Variants in FOXP1 observed in about 807,000 individuals in gnomAD.
The protein encoded by FOXP1 is forkhead box P1.
A neutral mutation model predicts 98.2 loss-of-function variants in FOXP1; 15 were observed. That is an observed-to-expected ratio of 0.15 (90% CI 0.10 to 0.24). The LOEUF is 0.24. FOXP1 is among the 10% of genes least tolerant of loss of function. The probability of loss-of-function intolerance (pLI) is 1.00; values close to 1 mark genes in which losing one functional copy is unlikely to be tolerated. For missense variants in FOXP1, 633 were observed against 848.5 expected (o/e 0.75, Z 3.15); for synonymous variants, 371 against 314.5 (o/e 1.18, Z -1.90).
intron 4 of FOXP1, among the ~76,000 whole-genome samples, chr3:71,320,268 G>A (rs975250926): frequency 4.6e-5 from 7 of 151,968 alleles, no homozygotes; most frequent in Non-Finnish European, 8.8e-5. Flanking sequence ...TCTAAGGCCC[G>A]GAAGGCCAAG....
At chr3:71,076,002 G>A (rs1007990374) in intron 7 of FOXP1, among the ~76,000 whole-genome samples, 1 of 152,204 alleles carries the variant, frequency 6.6e-6, no homozygotes, top group South Asian at 2.1e-4. Context: ...TTACAGGAGT[G>A]AGCCATTGTG....
chr3:71,164,033 G>A (rs1317197542), intron 6 of FOXP1, among the ~76,000 whole-genome samples: 1 of 152,072 alleles, frequency 6.6e-6, no homozygotes, highest in African/African-American at 2.4e-5. Flanking sequence ...CTGCACAGAC[G>A]AAAGCTCAAT....
intron 2 of FOXP1, among the ~76,000 whole-genome samples, chr3:71,535,429 GCA>G (rs1290553462): frequency 3.9e-5 from 6 of 152,022 alleles, no homozygotes; most frequent in Non-Finnish European, 7.4e-5. Flanking sequence ...ATGAGGCCAG[GCA>G]CAGTGGCTCA....
intron 3 of FOXP1, among the ~76,000 whole-genome samples, chr3:71,479,100 T>C (rs1179916242): frequency 6.6e-6 from 1 of 152,162 alleles, no homozygotes; most frequent in African/African-American, 2.4e-5. Flanking sequence ...GGGGTAACTT[T>C]TACGTCACTT....
intron 7 of FOXP1, among the ~76,000 whole-genome samples, chr3:71,060,451 G>T (rs971706638): frequency 1.3e-5 from 2 of 152,012 alleles, no homozygotes; most frequent in Non-Finnish European, 2.9e-5. Context: ...TAAGTTAAAG[G>T]TCAAAATATG....
At chr3:71,002,288 C>T (rs562672709) in intron 12 of FOXP1, among the ~76,000 whole-genome samples, 221 of 152,230 alleles carry the variant, frequency 1.5e-3, no homozygotes, top group Non-Finnish European at 2.7e-3. Flanking sequence ...AAAAACAAAA[C>T]GGATACAAAT....
At chr3:70,975,071 CG>C (rs2037211383) in intron 17 of FOXP1, among the ~76,000 whole-genome samples, 1 of 152,116 alleles carries the variant, frequency 6.6e-6, no homozygotes, top group Non-Finnish European at 1.5e-5. Context: ...GAAAATTATA[CG>C]TATTTATGAG....
At chr3:70,976,895 C>A (rs373589557) in intron 17 of FOXP1, 46 bp downstream of exon 17, 4 of 1,369,338 alleles carry the variant, frequency 2.9e-6, no homozygotes, top group Admixed American at 3.4e-5. Context: ...ACAAACTGTT[C>A]TATGAACGTC....
intron 5 of FOXP1, among the ~76,000 whole-genome samples, chr3:71,208,160 C>T (rs2064184823): frequency 6.6e-6 from 1 of 152,174 alleles, no homozygotes; most frequent in Non-Finnish European, 1.5e-5. Context: ...TACAGGACAA[C>T]ACGCAAGATA....
At chr3:70,960,061 T>G (rs2032941051) in intron 20 of FOXP1, among the ~76,000 whole-genome samples, 1 of 152,142 alleles carries the variant, frequency 6.6e-6, no homozygotes, top group Non-Finnish European at 1.5e-5. Context: ...CTAGTTAACA[T>G]GCAGAACCTG....
chr3:71,383,609 T>A (rs1275589326), intron 3 of FOXP1, among the ~76,000 whole-genome samples: 1 of 152,122 alleles, frequency 6.6e-6, no homozygotes, highest in African/African-American at 2.4e-5. Context: ...TTTTGCTACA[T>A]TTATGGGAGA....
chr3:71,198,917 C>T (rs1260143359), intron 5 of FOXP1, among the ~76,000 whole-genome samples: 1 of 151,922 alleles, frequency 6.6e-6, no homozygotes, highest in African/African-American at 2.4e-5. Flanking sequence ...AGGCTGGTCT[C>T]AAATTCCTGA....
At chr3:71,084,584 A>C (rs1049081501) in intron 7 of FOXP1, among the ~76,000 whole-genome samples, 2 of 152,212 alleles carry the variant, frequency 1.3e-5, no homozygotes, top group Non-Finnish European at 2.9e-5. Flanking sequence ...ATTTTTCTTC[A>C]TGGTGGCCTC....
intron 2 of FOXP1, among the ~76,000 whole-genome samples, chr3:71,569,749 T>A (rs1355952582): frequency 2.0e-5 from 3 of 151,978 alleles, no homozygotes; most frequent in Non-Finnish European, 4.4e-5. Flanking sequence ...ACGATCCTAA[T>A]GGCTATGTGA....
At chr3:71,521,153 A>G (rs1470207779) in intron 2 of FOXP1, among the ~76,000 whole-genome samples, 1 of 151,950 alleles carries the variant, frequency 6.6e-6, no homozygotes, top group African/African-American at 2.4e-5. Flanking sequence ...CAGCAAGGAA[A>G]GCTCCTGAAA....
intron 7 of FOXP1, among the ~76,000 whole-genome samples, chr3:71,087,369 A>G (rs926101200): frequency 2.6e-5 from 4 of 152,220 alleles, no homozygotes; most frequent in Non-Finnish European, 5.9e-5. Flanking sequence ...ACGACAACAA[A>G]ATACCGGTTT....
rs2076019712 is a variant in FOXP1 at position 71,327,961 on chromosome 3, C to T, written c.-72-28081G>A. Among the ~76,000 whole-genome samples the T allele has an allele frequency of 2.6e-5, 4 of 152,192 alleles. No homozygotes were observed. In the South Asian group the frequency reaches 8.3e-4, roughly 31 times the overall value. Reference sequence around the variant, plus strand: ...AGGGTATTCCCCCAACCTCTCTACACATGACAGTAGGCCACACAAGCACCT... The same window carrying T: ...AGGGTATTCCCCCAACCTCTCTACATATGACAGTAGGCCACACAAGCACCT... On this transcript the variant is annotated intron_variant, in intron 4 of 20. Coordinates refer to ENST00000649528, the MANE Select transcript of FOXP1 (RefSeq NM_001349338.3).
chr3:71,561,081 G>C (rs528730688), intron 2 of FOXP1, among the ~76,000 whole-genome samples: 19 of 152,180 alleles, frequency 1.2e-4, no homozygotes, highest in African/African-American at 4.6e-4. Flanking sequence ...TTCTGAGACA[G>C]AGTGTCACTC....
In FOXP1 at chr3:70,958,242, C is replaced by T; in HGVS notation, c.*1005G>A. ...AAAGAAAAAAAGAAAATCCGAAACA[C>T]CCCTCCCCCGAACCACCCCCAATAC... On this transcript the variant is annotated 3_prime_UTR_variant, in exon 21 of 21. Transcript: ENST00000649528. 1 of 493,224 alleles carries T rather than the reference C, an allele frequency of 2.0e-6. No individual in the cohort carries two copies. The highest frequency in any genetic ancestry group is 1.8e-5 in the South Asian group (1 of 57,050). 30.6% of individuals were successfully genotyped at this position (493,224 alleles called of 1,614,324 possible). A position where few individuals can be genotyped will look rare whatever the true frequency, so the allele number is the denominator to read the frequency against.
Sources: allele counts gnomAD v4.1 joint callset (sites outside exome capture counted in the v4.1 genomes callset), GRCh38; gene constraint gnomAD v4.1.1; transcripts MANE v1.5; gene names NCBI Gene and HGNC (gene_info 2026-07-23, HGNC 2026-07-21).